Variants in TTC28 observed in about 807,000 individuals in gnomAD.
TTC28 encodes the protein tetratricopeptide repeat domain 28.
Under a neutral mutation model 198.0 loss-of-function variants are expected in TTC28, and 61 were observed. That is an observed-to-expected ratio of 0.31 (90% CI 0.25 to 0.38). TTC28 has a LOEUF of 0.38. Ranked by LOEUF, TTC28 falls within the 10% of genes least tolerant of loss-of-function variation. The pLI is 1.00. For synonymous variants in TTC28, 1,171 were observed against 1,297.8 expected (o/e 0.90, Z 2.10); for missense variants, 2,678 against 3,164.0 (o/e 0.85, Z 3.69).
intron 2 of TTC28, among the ~76,000 whole-genome samples, chr22:28,335,731 A>C (rs1189299976): frequency 2.0e-5 from 3 of 152,150 alleles, no homozygotes. Context: ...GCTTAAGAAG[A>C]TTTTGGGCTG....
At chr22:28,639,446 T>G (rs1055408690) in intron 1 of TTC28, among the ~76,000 whole-genome samples, 8 of 152,202 alleles carry the variant, frequency 5.3e-5, no homozygotes, top group African/African-American at 1.9e-4. Context: ...GCCATATGGA[T>G]GAGCAAAGGC....
At chr22:28,570,521 G>A (rs1267133197) in intron 2 of TTC28, among the ~76,000 whole-genome samples, 1 of 152,080 alleles carries the variant, frequency 6.6e-6, no homozygotes, top group Non-Finnish European at 1.5e-5. Flanking sequence ...CACAAAGAAG[G>A]GAACAACAGA....
chr22:28,264,153 G>A (rs1569228504), intron 5 of TTC28, among the ~76,000 whole-genome samples: 1 of 152,086 alleles, frequency 6.6e-6, no homozygotes, highest in Admixed American at 6.6e-5. Flanking sequence ...CTGGTGAGAG[G>A]TAACTGAATC....
intron 3 of TTC28, among the ~76,000 whole-genome samples, chr22:28,300,622 A>T (rs2145792337): frequency 6.6e-6 from 1 of 152,360 alleles, no homozygotes; most frequent in South Asian, 2.1e-4. Context: ...ACATGCTATA[A>T]GAGTTTGGAA....
chr22:28,631,512 TTTTG>T (rs746360231), intron 1 of TTC28, among the ~76,000 whole-genome samples: 9 of 152,194 alleles, frequency 5.9e-5, no homozygotes, highest in East Asian at 3.9e-4. Flanking sequence ...TGTCAAGTGT[TTTTG>T]TTTGTTTGTT....
In TTC28 at chr22:28,571,348, C is replaced by T. The variant is rs1159600718; in HGVS notation, c.381+58204G>A. Among the ~76,000 whole-genome samples, 6 of 152,090 alleles carry T rather than the reference C, an allele frequency of 3.9e-5. 1 individual carries two copies. The highest frequency in any genetic ancestry group is 4.4e-5 in the Non-Finnish European group (3 of 68,008). On this transcript the variant is annotated intron_variant, in intron 2 of 22. Transcript: ENST00000397906. ...TTACACAAACTCTCTATTGTATTTC[C>T]ATTAACAATTCAGATACCACCAATT... is the stretch of plus-strand genomic sequence containing the variant.
At chr22:28,623,915 T>C (rs967774935) in intron 2 of TTC28, among the ~76,000 whole-genome samples, 1 of 151,938 alleles carries the variant, frequency 6.6e-6, no homozygotes, top group Non-Finnish European at 1.5e-5. Flanking sequence ...TATTCAGCTA[T>C]AAATGCTCAT....
intron 16 of TTC28, chr22:27,998,204 TAA>T (rs1213651461): frequency 5.5e-6 from 2 of 366,276 alleles, no homozygotes; most frequent in Admixed American, 8.6e-5. Flanking sequence ...AGATCCATCC[TAA>T]GTCTTTCTAC....
At chr22:28,236,918 T>C (rs1388078673) in intron 5 of TTC28, among the ~76,000 whole-genome samples, 1 of 152,166 alleles carries the variant, frequency 6.6e-6, no homozygotes, top group Non-Finnish European at 1.5e-5. Flanking sequence ...GCTGAGGACC[T>C]CAAACCCCTA....
At chr22:28,338,658 T>C (rs1204087669) in intron 2 of TTC28, among the ~76,000 whole-genome samples, 6 of 152,230 alleles carry the variant, frequency 3.9e-5, no homozygotes, top group Non-Finnish European at 8.8e-5. Flanking sequence ...GCATTCATCA[T>C]GTAGTTCTCG....
At chr22:28,404,821 C>T (rs2046975220) in intron 2 of TTC28, among the ~76,000 whole-genome samples, 1 of 152,160 alleles carries the variant, frequency 6.6e-6, no homozygotes, top group African/African-American at 2.4e-5. Context: ...TGATCACCAC[C>T]AAGGGCCAGA....
At chr22:27,995,509 T>G (rs1392994764) in intron 17 of TTC28, among the ~76,000 whole-genome samples, 1 of 152,164 alleles carries the variant, frequency 6.6e-6, no homozygotes, top group Non-Finnish European at 1.5e-5. Flanking sequence ...TTTACACATG[T>G]AGCTGTGGGC....
chr22:28,074,522 G>A (rs377399796), intron 12 of TTC28, among the ~76,000 whole-genome samples: 8 of 152,280 alleles, frequency 5.3e-5, no homozygotes, highest in East Asian at 3.9e-4. Flanking sequence ...AGTCTGTTTC[G>A]TCTGGTGTTC....
intron 6 of TTC28, among the ~76,000 whole-genome samples, chr22:28,131,651 G>T (rs1943062043): frequency 6.6e-6 from 1 of 152,314 alleles, no homozygotes; most frequent in South Asian, 2.1e-4. Flanking sequence ...GTCATCCTAA[G>T]TCAGGGACTG....
rs915277926 is a variant in TTC28, at chr22:28,658,333, G to A, written c.102+21289C>T. Among the ~76,000 whole-genome samples the A allele has an allele frequency of 2.8e-4, 42 of 152,142 alleles. 1 individual carries two copies. Among genetic ancestry groups the A allele is most frequent in the Non-Finnish European group, 2.9e-5 (2 of 68,020 alleles). The stretch of plus-strand genomic sequence containing the variant: ...CTCTTCCAACTTCAATTAGAAATAT[G>A]TACTCTAAAGCAGAAGAGTAATCAT... On this transcript the variant is annotated intron_variant, in intron 1 of 22. Transcript: ENST00000397906.
At chr22:28,408,017 C>A (rs908538725) in intron 2 of TTC28, among the ~76,000 whole-genome samples, 1 of 152,118 alleles carries the variant, frequency 6.6e-6, no homozygotes, top group Non-Finnish European at 1.5e-5. Flanking sequence ...TTAGTAATTT[C>A]TCTTATATTT....
chr22:28,131,909 C>T (rs930505533), intron 6 of TTC28, among the ~76,000 whole-genome samples: 1 of 152,058 alleles, frequency 6.6e-6, no homozygotes, highest in Non-Finnish European at 1.5e-5. Flanking sequence ...TTTTCTTCTG[C>T]CCTTGAACTA....
At chr22:28,331,608 T>C (rs552943039) in intron 2 of TTC28, among the ~76,000 whole-genome samples, 1 of 152,266 alleles carries the variant, frequency 6.6e-6, no homozygotes, top group East Asian at 1.9e-4. Flanking sequence ...AAGAATTTCA[T>C]CTTACTTGTA....
intron 2 of TTC28, among the ~76,000 whole-genome samples, chr22:28,604,438 C>T (rs895892487): frequency 9.9e-5 from 15 of 151,078 alleles, no homozygotes; most frequent in African/African-American, 2.7e-4. Flanking sequence ...ATAATTTTCT[C>T]GTTTCATTAA....
Sources: gnomAD v4.1 joint callset for allele counts (sites outside exome capture counted in the v4.1 genomes callset) on GRCh38, gnomAD v4.1.1 for gene constraint, MANE v1.5 for transcripts, NCBI Gene and HGNC (gene_info 2026-07-23, HGNC 2026-07-21) for gene names.